IGSF21: variants seen among roughly 807,000 people sequenced by gnomAD.
IGSF21 encodes the protein immunoglobulin superfamily member 21.
Under a neutral mutation model 46.8 loss-of-function variants are expected in IGSF21, and 28 were observed. That is an observed-to-expected ratio of 0.60 (90% CI 0.44 to 0.82). The LOEUF (loss-of-function observed/expected upper bound fraction) is 0.82, where lower values mean the gene tolerates loss of function less well. IGSF21 is among the 40% of genes least tolerant of loss of function. The pLI is 0.00. For synonymous variants in IGSF21, 284 were observed against 273.6 expected (o/e 1.04, Z -0.38); for missense variants, 624 against 665.5 (o/e 0.94, Z 0.69).
chr1:18,148,933 T>G (rs10492994), intron 1 of IGSF21, among the ~76,000 whole-genome samples: 31,776 of 152,162 alleles, frequency 0.21, 3,869 homozygotes, highest in Non-Finnish European at 0.28. Context: ...TGTCTTATAC[T>G]CATTAAAAAA....
intron 4 of IGSF21, among the ~76,000 whole-genome samples, chr1:18,347,919 G>A (rs2085911918): frequency 6.6e-6 from 1 of 152,224 alleles, no homozygotes; most frequent in African/African-American, 2.4e-5. Context: ...GGGGAGCACT[G>A]AGAGAGTCCC....
intron 2 of IGSF21, among the ~76,000 whole-genome samples, chr1:18,276,414 G>A (rs1281647413): frequency 2.6e-5 from 4 of 152,132 alleles, no homozygotes; most frequent in Non-Finnish European, 5.9e-5. Context: ...AGCTCAGGAT[G>A]TACTTGTTCC....
intron 4 of IGSF21, among the ~76,000 whole-genome samples, chr1:18,352,909 A>G (rs2085972617): frequency 6.6e-6 from 1 of 152,080 alleles, no homozygotes; most frequent in Non-Finnish European, 1.5e-5. Flanking sequence ...AACCCGCTCC[A>G]CTCAGAACGG....
Position 18,271,318 on chromosome 1 carries a change from A to G in IGSF21, c.184-20548A>G, listed in dbSNP as rs78645190. On this transcript the variant is annotated intron_variant, in intron 2 of 9. Transcript: ENST00000251296. ...TAATGCTGCCTCTGCTTCATGGGTG[A>G]TGTAGAATTAAGGTGATCAGCTCAT... 7.0e-4 allele frequency among the ~76,000 whole-genome samples: 107 copies of G among 152,232 alleles called. 1 individual carries two copies. Among genetic ancestry groups the G allele is most frequent in the African/African-American group, 2.4e-3 (101 of 41,536 alleles).
At chr1:18,157,872 C>T (rs1429954274) in intron 1 of IGSF21, among the ~76,000 whole-genome samples, 1 of 152,084 alleles carries the variant, frequency 6.6e-6, no homozygotes, top group Non-Finnish European at 1.5e-5. Context: ...AGGGTCTCCT[C>T]CATCAGAGTA....
chr1:18,273,508 CTTT>C lies in IGSF21; in HGVS notation c.184-18357_184-18355del, dbSNP rs1557618664. On this transcript the variant is annotated intron_variant, in intron 2 of 9. Coordinates refer to ENST00000251296, the MANE Select transcript of IGSF21 (RefSeq NM_032880.5). ...TCTTTCTTTCTTTCTTTCTTTCTTT[CTTT>C]CTTTCTTTCGTCTTTCTTTACTTTT... 2.5e-3 allele frequency among the ~76,000 whole-genome samples: 163 copies of C among 64,360 alleles called. 8 individuals are homozygous for C. The highest frequency in any genetic ancestry group is 8.8e-3 in the African/African-American group (159 of 18,006). 42.2% of individuals were successfully genotyped at this position (64,360 alleles called of 152,430 possible).
intron 5 of IGSF21, among the ~76,000 whole-genome samples, chr1:18,363,783 G>A (rs2086129583): frequency 6.6e-6 from 1 of 151,180 alleles, no homozygotes; most frequent in Non-Finnish European, 1.5e-5. Context: ...AGGCACAGGT[G>A]GGATTGTGGG....
chr1:18,203,626 TAATG>T (rs1054652278), intron 1 of IGSF21, among the ~76,000 whole-genome samples: 1 of 152,106 alleles, frequency 6.6e-6, no homozygotes, highest in Admixed American at 6.5e-5. Flanking sequence ...AACTAATTGT[TAATG>T]AATGAATGAA....
chr1:18,240,647 G>A (rs865788361), intron 2 of IGSF21, among the ~76,000 whole-genome samples: 1 of 152,184 alleles, frequency 6.6e-6, no homozygotes, highest in Non-Finnish European at 1.5e-5. Context: ...ATCTTATGTG[G>A]CCCTGAGGGT....
At chr1:18,151,232 A>G (rs1242342230) in intron 1 of IGSF21, among the ~76,000 whole-genome samples, 1 of 152,226 alleles carries the variant, frequency 6.6e-6, no homozygotes, top group Non-Finnish European at 1.5e-5. Context: ...TAGCTGCTGT[A>G]ACAAACAATT....
chr1:18,194,003 C>A (rs1411118965), intron 1 of IGSF21, among the ~76,000 whole-genome samples: 1 of 152,160 alleles, frequency 6.6e-6, no homozygotes, highest in Non-Finnish European at 1.5e-5. Flanking sequence ...GCCCTGTGAC[C>A]TGGAGATTCT....
At chr1:18,121,541 T>G (rs2086233800) in intron 1 of IGSF21, among the ~76,000 whole-genome samples, 1 of 152,178 alleles carries the variant, frequency 6.6e-6, no homozygotes, top group African/African-American at 2.4e-5. Flanking sequence ...GAAATTGCCG[T>G]GACAAATACC....
intron 2 of IGSF21, among the ~76,000 whole-genome samples, chr1:18,251,324 A>G (rs1048035546): frequency 6.6e-6 from 1 of 152,186 alleles, no homozygotes; most frequent in Non-Finnish European, 1.5e-5. Flanking sequence ...GCTAGTCAGG[A>G]GAGCCTGCGT....
At chr1:18,155,301 A>G (rs886371296) in intron 1 of IGSF21, among the ~76,000 whole-genome samples, 8 of 152,156 alleles carry the variant, frequency 5.3e-5, no homozygotes, top group Non-Finnish European at 1.0e-4. Context: ...AAGCTGTCCC[A>G]TGAGTCCTCT....
At chr1:18,341,012 C>CTTTTCTTCTTCTTCTTCT (rs1408481162) in intron 4 of IGSF21, among the ~76,000 whole-genome samples, 2 of 84,984 alleles carry the variant, frequency 2.4e-5, no homozygotes, top group African/African-American at 1.0e-4. Flanking sequence ...CCTCCTTCTT[C>CTTTTCTTCTTCTTCTTCT]TCTTCTTCTT....
At chr1:18,214,722 A>AT (rs1192933060) in intron 1 of IGSF21, among the ~76,000 whole-genome samples, 1 of 152,040 alleles carries the variant, frequency 6.6e-6, no homozygotes, top group East Asian at 1.9e-4. Context: ...AAGTTCCACA[A>AT]TTTTTTGTTT....
At position 18,156,849 on chromosome 1, in the gene IGSF21, C is replaced by T. The variant is rs181593341; in HGVS notation, c.70+48651C>T. 1.1e-3 allele frequency among the ~76,000 whole-genome samples: 171 copies of T among 152,242 alleles called. 1 individual carries two copies. The highest frequency in any genetic ancestry group is 3.9e-3 in the African/African-American group (160 of 41,544). ...ACTGAAATCCGGACTCAGCAGTTCC[C>T]GTCAAAAAGACATTCAGACTCTCCC... On this transcript the variant is annotated intron_variant, in intron 1 of 9. Coordinates refer to ENST00000251296, the MANE Select transcript of IGSF21 (RefSeq NM_032880.5).
intron 1 of IGSF21, among the ~76,000 whole-genome samples, chr1:18,199,132 G>A (rs1318912480): frequency 1.3e-5 from 2 of 152,028 alleles, no homozygotes; most frequent in South Asian, 4.2e-4. Flanking sequence ...ACTCAGTTTT[G>A]CAAGGCCCCC....
At position 18,135,102 on chromosome 1, in the gene IGSF21, G is replaced by C. The variant is rs1174290416; in HGVS notation, c.70+26904G>C. ...CCAAACGTGAAATGGCTTCCTTCAGGAAGCTGGGGAGAGAAAATCACATTG... is the reference window on the plus strand; with the variant it reads ...CCAAACGTGAAATGGCTTCCTTCAGCAAGCTGGGGAGAGAAAATCACATTG... On this transcript the variant is annotated intron_variant, in intron 1 of 9. Coordinates refer to ENST00000251296, the MANE Select transcript of IGSF21 (RefSeq NM_032880.5). 5.3e-5 allele frequency among the ~76,000 whole-genome samples: 8 copies of C among 152,168 alleles called. No individual in the cohort carries two copies. In the East Asian group the frequency reaches 1.5e-3, roughly 29 times the overall value.
Sources: gnomAD v4.1 joint callset for allele counts (sites outside exome capture counted in the v4.1 genomes callset) on GRCh38, gnomAD v4.1.1 for gene constraint, MANE v1.5 for transcripts, NCBI Gene and HGNC (gene_info 2026-07-23, HGNC 2026-07-21) for gene names.